The following PDE10A variants were observed in gnomAD, a reference collection of about 807,000 sequenced individuals.
PDE10A encodes phosphodiesterase 10A.
A neutral mutation model predicts 97.7 loss-of-function variants in PDE10A; 39 were observed. That is an observed-to-expected ratio of 0.40 (90% CI 0.31 to 0.52). The LOEUF is 0.52. Among genes scored for constraint, PDE10A ranks in the 20% least tolerant of loss-of-function variants. The pLI, the probability that PDE10A is intolerant of heterozygous loss-of-function variation, is 0.56. For missense variants in PDE10A, 731 were observed against 1,047.8 expected (o/e 0.70, Z 4.17); for synonymous variants, 371 against 376.8 (o/e 0.98, Z 0.18).
intron 18 of PDE10A, among the ~76,000 whole-genome samples, chr6:165,360,996 C>T (rs1482215542): frequency 6.6e-6 from 1 of 152,154 alleles, no homozygotes; most frequent in Non-Finnish European, 1.5e-5. Context: ...AAGAAGAATG[C>T]CTGCTCTTGC....
At chr6:165,616,594 C>A (rs1787738786) in intron 1 of PDE10A, among the ~76,000 whole-genome samples, 1 of 152,170 alleles carries the variant, frequency 6.6e-6, no homozygotes, top group South Asian at 2.1e-4. Context: ...TGTTAACGCT[C>A]TTGGCTTGGA....
intron 2 of PDE10A, among the ~76,000 whole-genome samples, chr6:165,536,063 A>C (rs1783065731): frequency 6.6e-6 from 1 of 152,084 alleles, no homozygotes; most frequent in African/African-American, 2.4e-5. Context: ...CTGGTTTCAA[A>C]TTACAATATA....
At chr6:165,981,454 G>A (rs1475691761) in intron 1 of PDE10A, among the ~76,000 whole-genome samples, 1 of 152,190 alleles carries the variant, frequency 6.6e-6, no homozygotes, top group Admixed American at 6.5e-5. Flanking sequence ...CCTGAGGGGA[G>A]GAGAGAGGCA....
chr6:165,802,732 C>T (rs1441180165), intron 1 of PDE10A, among the ~76,000 whole-genome samples: 1 of 152,198 alleles, frequency 6.6e-6, no homozygotes, highest in Non-Finnish European at 1.5e-5. Flanking sequence ...CTACCTCTGT[C>T]TCCTTACTTT....
At chr6:165,835,099 C>T (rs1780031935) in intron 1 of PDE10A, among the ~76,000 whole-genome samples, 1 of 152,076 alleles carries the variant, frequency 6.6e-6, no homozygotes, top group African/African-American at 2.4e-5. Flanking sequence ...GGCGAGGACA[C>T]AGTGCAGAGA....
At chr6:165,823,559 T>C (rs1244280494) in intron 1 of PDE10A, among the ~76,000 whole-genome samples, 1 of 90,684 alleles carries the variant, frequency 1.1e-5, no homozygotes, top group Non-Finnish European at 2.9e-5. Context: ...TAGAAATATA[T>C]GTATACTTTA....
intron 1 of PDE10A, among the ~76,000 whole-genome samples, chr6:165,791,091 C>T (rs1778637667): frequency 6.6e-6 from 1 of 152,038 alleles, no homozygotes; most frequent in African/African-American, 2.4e-5. Context: ...ACTACAGGTG[C>T]ATACCACCAT....
chr6:165,602,407 T>C (rs1787002982), intron 1 of PDE10A, among the ~76,000 whole-genome samples: 1 of 152,118 alleles, frequency 6.6e-6, no homozygotes, highest in African/African-American at 2.4e-5. Context: ...GAACTTCGAT[T>C]CTAGAGAAAG....
intron 3 of PDE10A, among the ~76,000 whole-genome samples, chr6:165,475,598 A>G (rs1779250351): frequency 6.6e-6 from 1 of 152,232 alleles, no homozygotes; most frequent in Non-Finnish European, 1.5e-5. Flanking sequence ...CATCAAGTCC[A>G]TAAAAAATAT....
At chr6:165,595,954 G>A (rs1167488036) in intron 1 of PDE10A, among the ~76,000 whole-genome samples, 2 of 152,132 alleles carry the variant, frequency 1.3e-5, no homozygotes, top group African/African-American at 4.8e-5. Flanking sequence ...GGGCTGGGGA[G>A]GACAAATATT....
At chr6:165,899,683 GCCTTGGCAC>G (rs1427421770) in intron 1 of PDE10A, among the ~76,000 whole-genome samples, 35 of 152,326 alleles carry the variant, frequency 2.3e-4, no homozygotes, top group African/African-American at 8.2e-4. Context: ...GGTACCTGGG[GCCTTGGCAC>G]CCGTGACCCG....
intron 17 of PDE10A, among the ~76,000 whole-genome samples, chr6:165,384,374 C>T (rs925278315): frequency 1.3e-5 from 2 of 152,066 alleles, no homozygotes; most frequent in African/African-American, 4.8e-5. Flanking sequence ...GCCCCAAACA[C>T]CATGAAAACA....
rs57361259 is a variant in PDE10A, at chr6:165,819,640, C to A, written c.-615+167889G>T. Among the ~76,000 whole-genome samples the A allele has an allele frequency of 6.6e-6, 1 of 152,120 alleles. No homozygotes were observed. Among genetic ancestry groups the A allele is most frequent in the East Asian group, 1.9e-4 (1 of 5,190 alleles). ...AGCCGGTTGCTCCTCCCCTGGTTTC[C>A]GTGGTGTTTGACCGAAACCTTTGCC... is the stretch of plus-strand genomic sequence containing the variant. On this transcript the variant is annotated intron_variant, in intron 1 of 19. Coordinates refer to the PDE10A transcript ENST00000366882. This position sits in a 1 kb window ranked among gnomAD's most constrained non-coding sequence, Gnocchi z 4.2.
At chr6:165,345,984 T>G (rs140732950) in intron 18 of PDE10A, among the ~76,000 whole-genome samples, 4 of 152,064 alleles carry the variant, frequency 2.6e-5, no homozygotes, top group Admixed American at 1.3e-4. Flanking sequence ...CAAGGCAGGT[T>G]TGAGGAACAA....
intron 1 of PDE10A, among the ~76,000 whole-genome samples, chr6:165,561,291 T>C (rs1270747352): frequency 6.6e-6 from 1 of 152,004 alleles, no homozygotes; most frequent in African/African-American, 2.4e-5. Context: ...ACACGTTTGC[T>C]TCCCCTTTGC....
intron 1 of PDE10A, among the ~76,000 whole-genome samples, chr6:165,727,299 T>G (rs1238237748): frequency 6.6e-6 from 1 of 152,190 alleles, no homozygotes; most frequent in Non-Finnish European, 1.5e-5. Flanking sequence ...TCGCTTAGGG[T>G]CACGCTTCTG....
chr6:165,979,886 C>A (rs1784959867), intron 1 of PDE10A, among the ~76,000 whole-genome samples: 1 of 152,226 alleles, frequency 6.6e-6, no homozygotes, highest in Non-Finnish European at 1.5e-5. Context: ...AAAGAACATT[C>A]ATGTCCTATT....
chr6:165,619,099 G>GTAGTCTAGCA lies in PDE10A; in HGVS notation c.865+42847_865+42848insTGCTAGACTA, dbSNP rs1379744295. Among the ~76,000 whole-genome samples, 27 of 151,700 alleles carry GTAGTCTAGCA rather than the reference G, an allele frequency of 1.8e-4. 5 individuals carry two copies. The highest frequency in any genetic ancestry group is 2.0e-4 in the Admixed American group (3 of 15,250). On this transcript the variant is annotated intron_variant, in intron 1 of 21. Transcript: ENST00000539869. ...GTAGTCTAGTGTAGTCTAGTGTAGT[G>GTAGTCTAGCA]TAGTCTAGTGTAGTGTAGTCTAGCA...
intron 1 of PDE10A, among the ~76,000 whole-genome samples, chr6:165,594,589 A>G (rs894463741): frequency 2.0e-5 from 3 of 152,222 alleles, no homozygotes; most frequent in African/African-American, 7.2e-5. Flanking sequence ...AGTAGAATTC[A>G]TTCAAAAATC....
Sources: gnomAD v4.1 joint callset for allele counts (sites outside exome capture counted in the v4.1 genomes callset) on GRCh38, gnomAD v4.1.1 for gene constraint, Gnocchi (gnomAD v3.1) non-coding constraint, MANE v1.5 for transcripts, NCBI Gene and HGNC (gene_info 2026-07-23, HGNC 2026-07-21) for gene names.